Variants in TENM2 observed in about 807,000 individuals in gnomAD.
TENM2 encodes teneurin transmembrane protein 2.
TENM2 carries 52 observed loss-of-function variants against 245.2 expected under a neutral mutation model. The ratio of observed to expected loss-of-function variants is 0.21; its 90% CI spans 0.17 to 0.27. The LOEUF (loss-of-function observed/expected upper bound fraction) is 0.27, where lower values mean the gene tolerates loss of function less well. Ranked by LOEUF, TENM2 falls within the 10% of genes least tolerant of loss-of-function variation. The pLI, the probability that TENM2 is intolerant of heterozygous loss-of-function variation, is 1.00. For synonymous variants in TENM2, 1,363 were observed against 1,438.9 expected (o/e 0.95, Z 1.19); for missense variants, 3,046 against 3,666.8 (o/e 0.83, Z 4.37).
chr5:167,173,968 T>C, the TENM2 span, among the ~76,000 whole-genome samples: 1 of 152,140 alleles, frequency 6.6e-6, no homozygotes, highest in African/African-American at 2.4e-5. Context: ...TGATTTTTAA[T>C]ATAAAAATAT....
At chr5:167,300,806 G>A (rs527454689) in intron 1 of TENM2, among the ~76,000 whole-genome samples, 1 of 152,106 alleles carries the variant, frequency 6.6e-6, no homozygotes, top group Non-Finnish European at 1.5e-5. Context: ...GCAATGAGGT[G>A]TGGCTGTAGC....
At chr5:167,107,257 C>T in the TENM2 span, among the ~76,000 whole-genome samples, 1 of 142,880 alleles carries the variant, frequency 7.0e-6, no homozygotes, top group Admixed American at 7.1e-5. Context: ...AGCGAAACTT[C>T]GTGAAAGAAA....
At chr5:168,045,791 G>A (rs564928872) in intron 5 of TENM2, among the ~76,000 whole-genome samples, 13 of 152,110 alleles carry the variant, frequency 8.5e-5, no homozygotes, top group Non-Finnish European at 1.5e-4. Context: ...AGAAGCTATC[G>A]TTATCTTGAA....
At position 167,404,729 on chromosome 5, in the gene TENM2, C is replaced by T. The variant is rs183303995; in HGVS notation, c.502+29256C>T. On this transcript the variant is annotated intron_variant, in intron 2 of 28. Transcript: ENST00000518659. ...TCTCTTTCTGCTTCTTCATGCCCTG[C>T]TCATGTTTCTTCATGTTCCTCCTGC... Among the ~76,000 whole-genome samples, 3 of 152,276 alleles carry T rather than the reference C, an allele frequency of 2.0e-5. No homozygotes were observed. In the East Asian group the frequency reaches 5.8e-4, roughly 29 times the overall value.
chr5:167,881,043 T>G (rs1186501035), intron 3 of TENM2, among the ~76,000 whole-genome samples: 1 of 152,178 alleles, frequency 6.6e-6, no homozygotes, highest in Non-Finnish European at 1.5e-5. Context: ...ATCTGGCCCC[T>G]AATATCCATC....
At chr5:167,516,002 C>T (rs1377891303) in intron 2 of TENM2, among the ~76,000 whole-genome samples, 2 of 152,022 alleles carry the variant, frequency 1.3e-5, no homozygotes, top group Admixed American at 1.3e-4. Context: ...AAATATTAGC[C>T]TGAGGACACA....
At chr5:167,493,915 A>G (rs1047716784) in intron 2 of TENM2, among the ~76,000 whole-genome samples, 7 of 152,090 alleles carry the variant, frequency 4.6e-5, no homozygotes, top group Non-Finnish European at 1.0e-4. Context: ...TGGGTGTAGC[A>G]TGTGCGGTCA....
chr5:167,864,183 C>T (rs1021773146), intron 2 of TENM2, among the ~76,000 whole-genome samples: 2 of 152,070 alleles, frequency 1.3e-5, no homozygotes, highest in Non-Finnish European at 2.9e-5. Flanking sequence ...TCTTTGTGGT[C>T]CCTAAAGCAC....
chr5:167,520,233 G>A (rs1043540263), intron 2 of TENM2, among the ~76,000 whole-genome samples: 1 of 152,138 alleles, frequency 6.6e-6, no homozygotes, highest in Non-Finnish European at 1.5e-5. Flanking sequence ...ATTAGACTAG[G>A]TCTCATTGAG....
At chr5:167,533,851 G>A (rs1211705244) in intron 2 of TENM2, among the ~76,000 whole-genome samples, 1 of 152,160 alleles carries the variant, frequency 6.6e-6, no homozygotes, top group African/African-American at 2.4e-5. Flanking sequence ...ATATGAAGGA[G>A]TGGAATCAAT....
At chr5:167,831,399 A>G (rs1273140136) in intron 2 of TENM2, among the ~76,000 whole-genome samples, 2 of 151,288 alleles carry the variant, frequency 1.3e-5, no homozygotes, top group African/African-American at 2.4e-5. Flanking sequence ...TATAGGGCCC[A>G]TGTTATATTC....
intron 2 of TENM2, among the ~76,000 whole-genome samples, chr5:167,847,968 A>G (rs1770204300): frequency 6.6e-6 from 1 of 152,186 alleles, no homozygotes; most frequent in South Asian, 2.1e-4. Context: ...CAGTTTGGGT[A>G]ATTTGGACAT....
intron 1 of TENM2, among the ~76,000 whole-genome samples, chr5:167,298,751 A>T (rs1382744272): frequency 6.6e-6 from 1 of 152,260 alleles, no homozygotes; most frequent in Non-Finnish European, 1.5e-5. Flanking sequence ...GCCAGCAAAG[A>T]TTATTTATTT....
chr5:167,896,003 G>A (rs140741303), intron 3 of TENM2, among the ~76,000 whole-genome samples: 3 of 152,346 alleles, frequency 2.0e-5, no homozygotes, highest in Non-Finnish European at 4.4e-5. Flanking sequence ...GGGTACTTTA[G>A]TCTAGTTAAT....
rs116590795 is a variant in TENM2, at chr5:167,473,609, C to G, written c.502+98136C>G. On this transcript the variant is annotated intron_variant, in intron 2 of 28. Coordinates refer to ENST00000518659, the Ensembl canonical transcript of TENM2. ...ATCTGCTACTTGTTTCATAGAAATG[C>G]CTATATAATGGTGGTGAGATTGAGC... is the stretch of plus-strand genomic sequence containing the variant. Among the ~76,000 whole-genome samples the G allele has an allele frequency of 2.8e-3, 424 of 151,800 alleles. 1 individual carries two copies. Among genetic ancestry groups the G allele is most frequent in the African/African-American group, 9.8e-3 (406 of 41,364 alleles).
chr5:168,167,681 T>A (rs899893107), intron 13 of TENM2, among the ~76,000 whole-genome samples: 3 of 152,220 alleles, frequency 2.0e-5, no homozygotes, highest in Non-Finnish European at 4.4e-5. Context: ...GTTTTGCACC[T>A]TCTCTTTCAT....
intron 1 of TENM2, chr5:167,287,699 G>A (rs1416302053): frequency 1.3e-5 from 2 of 152,086 alleles, no homozygotes; most frequent in African/African-American, 2.4e-5. Flanking sequence ...ACGGAAGCTC[G>A]GTCAAATTGT....
chr5:167,618,210 C>T (rs144069364), intron 2 of TENM2, among the ~76,000 whole-genome samples: 79 of 152,204 alleles, frequency 5.2e-4, no homozygotes, highest in African/African-American at 1.9e-3. Flanking sequence ...TAATTTTACT[C>T]CATTGCTAGC....
At chr5:167,665,760 A>T (rs1561652522) in intron 2 of TENM2, among the ~76,000 whole-genome samples, 1 of 152,152 alleles carries the variant, frequency 6.6e-6, no homozygotes, top group Non-Finnish European at 1.5e-5. Flanking sequence ...AATAAAATTG[A>T]ATGTTTATTT....
Sources: gnomAD v4.1 joint callset for allele counts (sites outside exome capture counted in the v4.1 genomes callset) on GRCh38, gnomAD v4.1.1 for gene constraint, MANE v1.5 for transcripts, NCBI Gene and HGNC (gene_info 2026-07-23, HGNC 2026-07-21) for gene names.